The following CTNNA3 variants were observed in gnomAD, a reference collection of about 807,000 sequenced individuals.
CTNNA3 encodes the protein catenin alpha 3, also known as catenin alpha-3.
In CTNNA3, 76 loss-of-function variants were observed where a neutral mutation model predicts 95.7. The observed-to-expected ratio is 0.79, with a 90% CI of 0.66 to 0.96. The LOEUF is 0.96. Among genes scored for constraint, CTNNA3 ranks in the 40% least tolerant of loss-of-function variants. The pLI is 0.00. For missense variants in CTNNA3, 1,191 were observed against 1,089.8 expected (o/e 1.09, Z -1.31); for synonymous variants, 431 against 374.4 (o/e 1.15, Z -1.74).
At chr10:66,903,657 G>T (rs766186751) in intron 7 of CTNNA3, among the ~76,000 whole-genome samples, 4 of 152,112 alleles carry the variant, frequency 2.6e-5, no homozygotes, top group Non-Finnish European at 5.9e-5. Flanking sequence ...ATATCCTTAA[G>T]CTGATAAGCA....
At chr10:66,594,559 G>T (rs1843650846) in intron 10 of CTNNA3, among the ~76,000 whole-genome samples, 1 of 152,136 alleles carries the variant, frequency 6.6e-6, no homozygotes, top group Non-Finnish European at 1.5e-5. Context: ...CCATCTGGAT[G>T]CTTTTGCATT....
At chr10:66,940,242 A>G (rs1229341842) in intron 7 of CTNNA3, among the ~76,000 whole-genome samples, 1 of 152,098 alleles carries the variant, frequency 6.6e-6, no homozygotes, top group East Asian at 1.9e-4. Context: ...GCTCATGCCT[A>G]TAGGCCCAGC....
chr10:67,102,711 T>C (rs1188490846), intron 7 of CTNNA3, among the ~76,000 whole-genome samples: 39 of 151,916 alleles, frequency 2.6e-4, no homozygotes. Context: ...TGAAATTGCT[T>C]TTTAATCTAA....
chr10:66,682,657 G>GCTAAAACTTA (rs55895851), intron 9 of CTNNA3, among the ~76,000 whole-genome samples: 3 of 148,570 alleles, frequency 2.0e-5, no homozygotes, highest in East Asian at 2.0e-4. Flanking sequence ...TTTTATTTCT[G>GCTAAAACTTA]TTTTCTTTCT....
intron 9 of CTNNA3, among the ~76,000 whole-genome samples, chr10:66,673,410 G>T (rs1194761857): frequency 6.6e-6 from 1 of 152,060 alleles, no homozygotes; most frequent in Non-Finnish European, 1.5e-5. Flanking sequence ...TTGCTAAATT[G>T]TAAGTGGTTC....
rs141261111 is a variant in CTNNA3 at position 67,147,104 on chromosome 10, C to T, written c.1047+33213G>A. On this transcript the variant is annotated intron_variant, in intron 7 of 17. Transcript: ENST00000433211. ...CACTGTTAAGCAACACATGACTATA[C>T]ATCCACCTCTTTCTACATTTAAATC... Among the ~76,000 whole-genome samples the T allele has an allele frequency of 6.2e-3, 942 of 152,310 alleles. 8 individuals are homozygous for T. Among genetic ancestry groups the T allele is most frequent in the Middle Eastern group, 0.02 (6 of 294 alleles).
At chr10:66,568,902 C>G (rs913110949) in intron 10 of CTNNA3, among the ~76,000 whole-genome samples, 8 of 151,822 alleles carry the variant, frequency 5.3e-5, no homozygotes, top group South Asian at 2.1e-4. Flanking sequence ...GCAGAGAAAG[C>G]CTTTGCTTCC....
chr10:66,118,711 C>T (rs2082443378), intron 13 of CTNNA3, among the ~76,000 whole-genome samples: 2 of 152,060 alleles, frequency 1.3e-5, no homozygotes, highest in South Asian at 4.1e-4. Context: ...GTAAAGGTGA[C>T]TTTGTTTTAA....
intron 5 of CTNNA3, among the ~76,000 whole-genome samples, chr10:67,517,598 T>C (rs1341429228): frequency 2.6e-5 from 4 of 152,160 alleles, no homozygotes; most frequent in Non-Finnish European, 5.9e-5. Flanking sequence ...TAAGGGAAGC[T>C]TGGATATATA....
intron 3 of CTNNA3, among the ~76,000 whole-genome samples, chr10:67,565,980 T>C (rs1841754085): frequency 8.4e-6 from 1 of 119,674 alleles, no homozygotes; most frequent in South Asian, 3.0e-4. Context: ...ATAAAGAAAA[T>C]GCAGTATATA....
intron 15 of CTNNA3, among the ~76,000 whole-genome samples, chr10:66,035,976 T>C (rs1264159890): frequency 6.6e-6 from 1 of 152,136 alleles, no homozygotes; most frequent in Non-Finnish European, 1.5e-5. Flanking sequence ...TATATACCCA[T>C]TTACTCTTAT....
intron 7 of CTNNA3, among the ~76,000 whole-genome samples, chr10:66,948,984 T>G (rs1421508373): frequency 2.0e-5 from 3 of 152,220 alleles, no homozygotes; most frequent in Non-Finnish European, 4.4e-5. Context: ...TGTTATTTTT[T>G]TCTTTGCTGT....
At chr10:67,066,041 TGATCTATGAGGTTA>T (rs1431348999) in intron 7 of CTNNA3, among the ~76,000 whole-genome samples, 2 of 152,116 alleles carry the variant, frequency 1.3e-5, no homozygotes, top group Non-Finnish European at 2.9e-5. Context: ...AGAGAACTGA[TGATCTATGAGGTTA>T]TTTAGGGTCT....
intron 1 of CTNNA3, among the ~76,000 whole-genome samples, chr10:67,745,593 T>A (rs1841370641): frequency 6.6e-6 from 1 of 151,644 alleles, no homozygotes; most frequent in African/African-American, 2.4e-5. Flanking sequence ...CACACCAACA[T>A]GGCACATATA....
chr10:66,543,799 AT>A (rs1841941656), intron 10 of CTNNA3, among the ~76,000 whole-genome samples: 2 of 150,970 alleles, frequency 1.3e-5, no homozygotes, highest in African/African-American at 4.9e-5. Flanking sequence ...TTGTGAGTTA[AT>A]TTTTTAAAGT....
intron 13 of CTNNA3, among the ~76,000 whole-genome samples, chr10:66,129,030 C>T (rs1198408924): frequency 2.6e-5 from 4 of 151,948 alleles, no homozygotes; most frequent in Non-Finnish European, 2.9e-5. Context: ...TTTGGGAGGC[C>T]GAGGAGGACA....
At chr10:67,229,417 A>T (rs796605277) in intron 5 of CTNNA3, among the ~76,000 whole-genome samples, 5 of 152,322 alleles carry the variant, frequency 3.3e-5, no homozygotes, top group African/African-American at 1.2e-4. Context: ...CAAGACAAGG[A>T]TGGCCATTCT....
Position 67,143,122 on chromosome 10 carries a change from G to A in CTNNA3, c.1047+37195C>T, listed in dbSNP as rs558587375. Among the ~76,000 whole-genome samples the A allele has an allele frequency of 1.1e-3, 168 of 151,368 alleles. 3 individuals are homozygous for A. Among genetic ancestry groups the A allele is most frequent in the African/African-American group, 3.7e-3 (154 of 41,336 alleles). On this transcript the variant is annotated intron_variant, in intron 7 of 17. Coordinates refer to ENST00000433211, the MANE Select transcript of CTNNA3 (RefSeq NM_013266.4). ...AAACAACAATGGAGTTTGCTGCATC[G>A]ATTGACTCTTTCTTTCACAAAAGAT...
At chr10:66,904,029 T>A (rs1022330244) in intron 7 of CTNNA3, among the ~76,000 whole-genome samples, 2 of 152,118 alleles carry the variant, frequency 1.3e-5, no homozygotes, top group Non-Finnish European at 2.9e-5. Context: ...AAAAAACTAC[T>A]GTAAAGTTCA....
Sources: allele counts gnomAD v4.1 joint callset (sites outside exome capture counted in the v4.1 genomes callset), GRCh38; gene constraint gnomAD v4.1.1; transcripts MANE v1.5; gene names NCBI Gene and HGNC (gene_info 2026-07-23, HGNC 2026-07-21).